The following CDC73 variants were observed in gnomAD, a reference collection of about 807,000 sequenced individuals.
The protein encoded by CDC73 is cell division cycle 73, also known as parafibromin.
CDC73 carries 21 observed loss-of-function variants against 83.7 expected under a neutral mutation model. That is an observed-to-expected ratio of 0.25 (90% CI 0.18 to 0.36). The LOEUF is 0.36. CDC73 is among the 10% of genes least tolerant of loss of function. The probability of loss-of-function intolerance (pLI) is 1.00; values close to 1 mark genes in which losing one functional copy is unlikely to be tolerated. For synonymous variants in CDC73, 224 were observed against 212.9 expected (o/e 1.05, Z -0.45); for missense variants, 342 against 653.3 (o/e 0.52, Z 5.19).
intron 15 of CDC73, among the ~76,000 whole-genome samples, chr1:193,245,339 T>C (rs1677935909): frequency 6.6e-6 from 1 of 152,216 alleles, no homozygotes; most frequent in Non-Finnish European, 1.5e-5. Flanking sequence ...AGTTCAACTT[T>C]TTTTTAGCTT....
At chr1:193,187,958 TCTCA>T (rs1417126725) in intron 10 of CDC73, among the ~76,000 whole-genome samples, 1 of 152,218 alleles carries the variant, frequency 6.6e-6, no homozygotes, top group African/African-American at 2.4e-5. Context: ...ATACTGCAAT[TCTCA>T]CTCACTACCG....
chr1:193,125,286 T>G lies in CDC73; in HGVS notation c.237+69T>G, dbSNP rs112539833. On this transcript the variant is annotated intron_variant, in intron 2 of 16. Transcript: ENST00000367435. Reference sequence around the variant, plus strand: ...ATTTTTATTTATTTAAGAGACAGGGTCTGGCCTTGTTGCCCGGGCTAGGGT... The same window carrying G: ...ATTTTTATTTATTTAAGAGACAGGGGCTGGCCTTGTTGCCCGGGCTAGGGT... 6 of 1,012,542 alleles carry G rather than the reference T, an allele frequency of 5.9e-6. No individual in the cohort carries two copies. In the African/African-American group the frequency reaches 6.4e-5, roughly 11 times the overall value. The allele number at this position is 1,012,542 out of a possible 1,614,324, so 62.7% of individuals were successfully genotyped here.
chr1:193,175,273 T>TG (rs775045577), intron 10 of CDC73, among the ~76,000 whole-genome samples: 16 of 152,216 alleles, frequency 1.1e-4, no homozygotes, highest in Non-Finnish European at 1.9e-4. Flanking sequence ...ATAAAGGTAT[T>TG]GCAGTAGTTA....
chr1:193,248,434 T>G lies in CDC73; in HGVS notation c.1418-1296T>G, dbSNP rs190101303. On this transcript the variant is annotated intron_variant, in intron 15 of 16. Coordinates refer to ENST00000367435, the MANE Select transcript of CDC73 (RefSeq NM_024529.5). ...TGTTGTTTTCATGATTACTAACACA[T>G]CTATTCCTCAGCCCATAGATCAAGG... Among the ~76,000 whole-genome samples the G allele has an allele frequency of 7.5e-4, 114 of 152,220 alleles. 1 individual carries two copies. Among genetic ancestry groups the G allele is most frequent in the Non-Finnish European group, 1.4e-3 (93 of 67,958 alleles).
chr1:193,135,960 C>T (rs1028107385), intron 5 of CDC73, among the ~76,000 whole-genome samples: 4 of 151,320 alleles, frequency 2.6e-5, no homozygotes, highest in Admixed American at 6.6e-5. Flanking sequence ...CCTCGACCTC[C>T]GGGGTTTAAG....
intron 10 of CDC73, among the ~76,000 whole-genome samples, chr1:193,193,776 TTGTAGTG>T (rs1234597785): frequency 7.3e-5 from 10 of 137,494 alleles, no homozygotes; most frequent in Non-Finnish European, 1.6e-4. Flanking sequence ...GCTGTCTTAC[TTGTAGTG>T]TGTGTGTGTG....
intron 2 of CDC73, among the ~76,000 whole-genome samples, chr1:193,126,034 T>C (rs1365294656): frequency 1.3e-5 from 2 of 152,126 alleles, no homozygotes; most frequent in Non-Finnish European, 2.9e-5. Flanking sequence ...TCTAAGGCGG[T>C]AGGGTTGCTT....
At chr1:193,228,012 A>G (rs1371997680) in intron 13 of CDC73, among the ~76,000 whole-genome samples, 1 of 152,198 alleles carries the variant, frequency 6.6e-6, no homozygotes, top group Middle Eastern at 3.2e-3. Flanking sequence ...GGAACAGGAT[A>G]CATTTGACAG....
Position 193,249,579 on chromosome 1 carries a change from G to C in CDC73, c.1418-151G>C, listed in dbSNP as rs147887975. ...TTATTCCTCATTTTAGTGTCCAGTG[G>C]CTGGCGTGTATAAACCCTGAATGTT... is the stretch of plus-strand genomic sequence containing the variant. On this transcript the variant is annotated intron_variant, in intron 15 of 16. Coordinates refer to ENST00000367435, the MANE Select transcript of CDC73 (RefSeq NM_024529.5). The C allele has an allele frequency of 8.6e-4, 547 of 636,250 alleles. 3 individuals carry two copies. In the African/African-American group the frequency reaches 8.9e-3, roughly 10 times the overall value. The allele number at this position is 636,250 out of a possible 1,614,324, so 39.4% of individuals were successfully genotyped here.
At chr1:193,123,615 T>C (rs952848540) in intron 1 of CDC73, among the ~76,000 whole-genome samples, 23 of 152,348 alleles carry the variant, frequency 1.5e-4, no homozygotes, top group Non-Finnish European at 2.9e-4. Context: ...TCTGGTATTT[T>C]ACCCTTTCGA....
chr1:193,217,610 GTCT>G (rs1020101864), intron 13 of CDC73, among the ~76,000 whole-genome samples: 2 of 152,114 alleles, frequency 1.3e-5, no homozygotes, highest in East Asian at 1.9e-4. Flanking sequence ...AGCTGCTTGT[GTCT>G]TCTTCTGCTG....
chr1:193,155,185 A>T (rs938472626), intron 10 of CDC73, among the ~76,000 whole-genome samples: 2 of 152,214 alleles, frequency 1.3e-5, no homozygotes, highest in East Asian at 3.8e-4. Flanking sequence ...ATCACATTTC[A>T]TAAGAATCAT....
intron 15 of CDC73, among the ~76,000 whole-genome samples, chr1:193,239,508 C>A (rs1454445851): frequency 6.6e-6 from 1 of 152,042 alleles, no homozygotes; most frequent in Non-Finnish European, 1.5e-5. Flanking sequence ...CAAATAAAAT[C>A]TTTACAAATT....
intron 14 of CDC73, among the ~76,000 whole-genome samples, chr1:193,233,617 C>A (rs1169106836): frequency 1.3e-5 from 2 of 152,120 alleles, no homozygotes; most frequent in African/African-American, 4.8e-5. Context: ...GTAAAAAATT[C>A]TTTCCACTTG....
chr1:193,173,915 T>C (rs1056408461), intron 10 of CDC73, among the ~76,000 whole-genome samples: 1 of 152,180 alleles, frequency 6.6e-6, no homozygotes, highest in African/African-American at 2.4e-5. Context: ...TTGGGATATC[T>C]TTATTCTAAT....
chr1:193,212,080 C>A lies in CDC73; in HGVS notation c.1046C>A (p.Pro349His). The change falls in exon 12 of 17, where the codon CCT (proline) becomes CAT (histidine). Residue 349 changes from proline to histidine, a missense_variant. By Grantham distance (77) the Pro-to-His change is moderately conservative (BLOSUM62 -2). Around this residue, in one of 3 missense-constraint regions of CDC73, gnomAD observed 239 missense variants for 420.6 expected, o/e 0.57. Coordinates refer to ENST00000367435, the MANE Select transcript of CDC73 (RefSeq NM_024529.5). ...PVPRPVSQAR[P>H]PPNQKKGSRT... ...TTTTTCACAGTTTCTCAAGCAAGAC[C>A]TCCCCCAAATCAGAAGAAAGGTGAG... is the stretch of plus-strand genomic sequence containing the variant. 1 of 1,585,236 alleles carries A rather than the reference C, an allele frequency of 6.3e-7. No individual in the cohort carries two copies. Among genetic ancestry groups the A allele is most frequent in the Non-Finnish European group, 8.6e-7 (1 of 1,161,072 alleles).
At chr1:193,227,522 G>A (rs1677585826) in intron 13 of CDC73, among the ~76,000 whole-genome samples, 1 of 151,922 alleles carries the variant, frequency 6.6e-6, no homozygotes, top group Non-Finnish European at 1.5e-5. Flanking sequence ...AAGTCTGTTA[G>A]GGAGATAACA....
chr1:193,212,350 C>T (rs565245091), intron 12 of CDC73, 40 bp from the exon 13 acceptor site: 1 of 1,194,626 alleles, frequency 8.4e-7, no homozygotes, highest in South Asian at 1.4e-5. Context: ...AGTATAATTT[C>T]TAATAATATA....
At chr1:193,133,924 C>A in intron 3 of CDC73, among the ~76,000 whole-genome samples, 1 of 148,232 alleles carries the variant, frequency 6.7e-6, no homozygotes, top group East Asian at 2.0e-4. Context: ...TTTTTTTTAA[C>A]CTGATAGAAA....
Sources: gnomAD v4.1 joint callset for allele counts (sites outside exome capture counted in the v4.1 genomes callset) on GRCh38, gnomAD v4.1.1 for gene constraint, gnomAD v4.1.1 regional missense constraint, MANE v1.5 for transcripts, NCBI Gene and HGNC (gene_info 2026-07-23, HGNC 2026-07-21) for gene names.